Variants in ZNF718 observed in about 807,000 individuals in gnomAD.
ZNF718 encodes the protein zinc finger protein 718.
A neutral mutation model predicts 2.6 loss-of-function variants in ZNF718; 3 were observed. The observed-to-expected ratio is 1.16, with a 90% CI of 0.53 to 3.01. ZNF718 has a LOEUF of 3.01. Ranked by LOEUF, ZNF718 falls within the 30% of genes most tolerant of loss-of-function variation. The pLI, the probability that ZNF718 is intolerant of heterozygous loss-of-function variation, is 0.03. For missense variants in ZNF718, 468 were observed against 230.0 expected, an observed-to-expected ratio of 2.03 and a Z score of -6.69; for synonymous variants, 135 against 77.9, an observed-to-expected ratio of 1.73 and a Z score of -3.86.
intron 3 of ZNF718, among the ~76,000 whole-genome samples, chr4:184,603 G>A (rs1185153510): frequency 6.6e-6 from 1 of 152,028 alleles, no homozygotes; most frequent in East Asian, 1.9e-4. Context: ...GCTCTTCTTT[G>A]TACCTCTGGT....
chr4:194,124 C>G (rs1553821668), intron 3 of ZNF718, among the ~76,000 whole-genome samples: 1 of 152,076 alleles, frequency 6.6e-6, no homozygotes, highest in Non-Finnish European at 1.5e-5. Flanking sequence ...CCAAGGCTGC[C>G]AAGTTCAATA....
chr4:200,969 A>G (rs1249944761), intron 3 of ZNF718: 1 of 152,474 alleles, frequency 6.6e-6, no homozygotes, highest in Non-Finnish European at 1.5e-5. Context: ...AAGAAGAAAT[A>G]TAAATTTGAC....
At chr4:166,942 A>G (rs1182202092), downstream of ZNF718, among the ~76,000 whole-genome samples, 5 of 152,114 alleles carry the variant, frequency 3.3e-5, no homozygotes, top group African/African-American at 1.2e-4. Flanking sequence ...TGCGTCCTGA[A>G]TGGTATTGCC....
chr4:162,992 A>G lies in ZNF718; in HGVS notation c.*870A>G, dbSNP rs1478519207. On this transcript the variant is annotated 3_prime_UTR_variant, in exon 4 of 4. Transcript: ENST00000510175. ...AGATAATTTCTTTCTATATAAGTTG[A>G]AAAGGAGTAGCTTTTTGAAATTATT... 1.3e-5 allele frequency: 2 copies of G among 152,208 alleles called. No homozygotes were observed. Among genetic ancestry groups the G allele is most frequent in the African/African-American group, 4.8e-5 (2 of 41,470 alleles). 9.4% of individuals were successfully genotyped at this position (152,208 alleles called of 1,614,324 possible). A position where few individuals can be genotyped will look rare whatever the true frequency, so the allele number is the denominator to read the frequency against.
At chr4:196,986 G>C (rs1327171090) in intron 3 of ZNF718, among the ~76,000 whole-genome samples, 1 of 146,884 alleles carries the variant, frequency 6.8e-6, no homozygotes, top group Non-Finnish European at 1.5e-5. Flanking sequence ...TTTGTTCTTA[G>C]AGCTCCCAAG....
intron 3 of ZNF718, among the ~76,000 whole-genome samples, chr4:141,360 C>T (rs1553810213): frequency 6.6e-6 from 1 of 152,038 alleles, no homozygotes; most frequent in African/African-American, 2.4e-5. Context: ...AGACGTTTGG[C>T]TAATTAAACA....
downstream of ZNF718, among the ~76,000 whole-genome samples, chr4:168,638 G>A (rs1553817390): frequency 5.3e-5 from 8 of 152,228 alleles, 1 homozygote; most frequent in East Asian, 3.9e-4. Context: ...GTTTATTTGC[G>A]TAGAGTTGTT....
Position 129,326 on chromosome 4 carries a change from C to T in ZNF718, c.4-1462C>T. Among the ~76,000 whole-genome samples the T allele has an allele frequency of 1.9e-5, 2 of 104,238 alleles. 1 individual carries two copies. Among genetic ancestry groups the T allele is most frequent in the Non-Finnish European group, 4.3e-5 (2 of 46,756 alleles). The allele number at this position is 104,238 out of a possible 152,430, so 68.4% of individuals were successfully genotyped here. ...TTGGGCAGGCTTAGAAAAGACAAAA[C>T]TGAAAATACTTACGGGCATAGAGAG... On this transcript the variant is annotated intron_variant, in intron 1 of 3. Coordinates refer to ENST00000510175, the MANE Select transcript of ZNF718 (RefSeq NM_001039127.6).
At chr4:124,828 G>A (rs1715121870) in intron 1 of ZNF718, 155 bp downstream of exon 1, 2 of 994,310 alleles carry the variant, frequency 2.0e-6, no homozygotes, top group Admixed American at 2.2e-5. Context: ...GTCAGTCCCC[G>A]TACAGCGGCT....
chr4:178,756 T>G (rs1484071451), intron 3 of ZNF718, among the ~76,000 whole-genome samples: 2 of 152,214 alleles, frequency 1.3e-5, no homozygotes, highest in East Asian at 1.9e-4. Context: ...CACTATTGGT[T>G]GTTGTGTTTT....
intron 1 of ZNF718, 151 bp downstream of exon 1, chr4:124,824 C>T: frequency 4.9e-6 from 5 of 1,023,150 alleles, no homozygotes; most frequent in Non-Finnish European, 7.1e-6. Context: ...TCTTGTCAGT[C>T]CCCGTACAGC....
chr4:163,925 G>C lies in ZNF718; in HGVS notation c.*1803G>C, dbSNP rs1717020958. 6.6e-6 allele frequency: 1 copy of C among 151,784 alleles called. No homozygotes were observed. 9.4% of individuals were successfully genotyped at this position (151,784 alleles called of 1,614,324 possible). ...GTGTATACATTCATGGCATAGATGG[G>C]TTACTTTGATACAGACATGCAACAT... On this transcript the variant is annotated 3_prime_UTR_variant, in exon 4 of 4. Transcript: ENST00000510175.
chr4:151,114 T>A (rs539467572), intron 3 of ZNF718, among the ~76,000 whole-genome samples: 3 of 152,276 alleles, frequency 2.0e-5, no homozygotes, highest in Admixed American at 2.0e-4. Context: ...TTAATTTATT[T>A]ATTTTTGAGA....
At position 131,258 on chromosome 4, in the gene ZNF718, C is replaced by G. The variant is rs1434391052; in HGVS notation, c.131-152C>G. Among the ~76,000 whole-genome samples the G allele has an allele frequency of 7.9e-4, 82 of 104,422 alleles. 27 individuals carry two copies. Among genetic ancestry groups the G allele is most frequent in the African/African-American group, 2.6e-3 (80 of 30,228 alleles). The allele number at this position is 104,422 out of a possible 152,430, so 68.5% of individuals were successfully genotyped here. On this transcript the variant is annotated intron_variant, in intron 2 of 3. Transcript: ENST00000510175. ...ACTTAAAGCCCACAGATTTAAAATA[C>G]TTAAATATTCTACAGATTCTGTCGG... is the stretch of plus-strand genomic sequence containing the variant.
At position 124,518 on chromosome 4, in the gene ZNF718, C is replaced by T; in HGVS notation, c.-153C>T. 1 of 1,087,734 alleles carries T rather than the reference C, an allele frequency of 9.2e-7. No homozygotes were observed. Among genetic ancestry groups the T allele is most frequent in the Non-Finnish European group, 1.4e-6 (1 of 728,160 alleles). The allele number at this position is 1,087,734 out of a possible 1,614,324, so 67.4% of individuals were successfully genotyped here. ...TCTGGCGCGGCTTTTGCTTGTAGCTCCAGCCAGAGCTCGGTTAGGGCCTCA... is the reference window on the plus strand; with the variant it reads ...TCTGGCGCGGCTTTTGCTTGTAGCTTCAGCCAGAGCTCGGTTAGGGCCTCA... On this transcript the variant is annotated 5_prime_UTR_variant, in exon 1 of 4. Coordinates refer to ENST00000510175, the MANE Select transcript of ZNF718 (RefSeq NM_001039127.6).
Position 127,544 on chromosome 4 carries a change from A to T in ZNF718, c.3+2871A>T. Among the ~76,000 whole-genome samples, 2 of 104,716 alleles carry T rather than the reference A, an allele frequency of 1.9e-5. 1 individual carries two copies. Among genetic ancestry groups the T allele is most frequent in the Non-Finnish European group, 4.3e-5 (2 of 46,860 alleles). The allele number at this position is 104,716 out of a possible 152,430, so 68.7% of individuals were successfully genotyped here. On this transcript the variant is annotated intron_variant, in intron 1 of 3. Coordinates refer to ENST00000510175, the MANE Select transcript of ZNF718 (RefSeq NM_001039127.6). ...TGCCCAAATGCCCGCAAATGTGCATAGCTCACCAGCCCTCCAAGACCTAAA... is the reference window on the plus strand; with the variant it reads ...TGCCCAAATGCCCGCAAATGTGCATTGCTCACCAGCCCTCCAAGACCTAAA...
intron 1 of ZNF718, among the ~76,000 whole-genome samples, chr4:127,531 C>G (rs1390744447): frequency 9.6e-6 from 1 of 104,344 alleles, no homozygotes; most frequent in African/African-American, 3.3e-5. Context: ...CCCAAATGCC[C>G]GCAAATGTGC....
chr4:201,049 T>A (rs1481123962), intron 3 of ZNF718: 1 of 152,328 alleles, frequency 6.6e-6, no homozygotes, highest in African/African-American at 2.4e-5. Context: ...GGAGAATATG[T>A]TTGTCATCAA....
intron 3 of ZNF718, among the ~76,000 whole-genome samples, chr4:182,878 G>A (rs1220969293): frequency 6.6e-6 from 1 of 152,076 alleles, no homozygotes; most frequent in Non-Finnish European, 1.5e-5. Flanking sequence ...ATTTGTTCAA[G>A]CTTTTTATAG....
Sources: allele counts gnomAD v4.1 joint callset (sites outside exome capture counted in the v4.1 genomes callset), GRCh38; gene constraint gnomAD v4.1.1; transcripts MANE v1.5; gene names NCBI Gene and HGNC (gene_info 2026-07-23, HGNC 2026-07-21).